ACOT11: variants seen among roughly 807,000 people sequenced by gnomAD.
ACOT11 encodes the protein acyl-coenzyme A thioesterase 11.
Under a neutral mutation model 77.5 loss-of-function variants are expected in ACOT11, and 69 were observed. The observed-to-expected ratio is 0.89, with a 90% CI of 0.73 to 1.09. The LOEUF is 1.09. ACOT11 is among the 50% of genes least tolerant of loss of function. The pLI is 0.00. For missense variants in ACOT11, 766 were observed against 813.7 expected (o/e 0.94, Z 0.71); for synonymous variants, 279 against 313.0 (o/e 0.89, Z 1.15).
rs377101876 is a variant in ACOT11 at position 54,597,291 on chromosome 1, C to A, written c.640C>A (p.Pro214Thr). The change falls in exon 7 of 16, where the codon CCG becomes ACG. Residue 214 changes from proline (P) to threonine (T), a missense_variant. Coordinates refer to ENST00000343744, the MANE Select transcript of ACOT11 (RefSeq NM_147161.4). ...GAGCAGAGACTGTAGCCGCATGGTG[C>A]CGGCTGAGAAGACCCGTGTGGAGAG... ...LESRDCSRMV[P>T]AEKTRVESVE... The A allele has an allele frequency of 2.9e-5, 47 of 1,613,390 alleles. No homozygotes were observed. The highest frequency in any genetic ancestry group is 3.8e-5 in the Non-Finnish European group (45 of 1,180,026).
At chr1:54,615,448 C>G (rs930322156) in intron 15 of ACOT11, among the ~76,000 whole-genome samples, 1 of 151,998 alleles carries the variant, frequency 6.6e-6, no homozygotes, top group Middle Eastern at 3.2e-3. Flanking sequence ...TGAAAAGATC[C>G]TTCAGGTGCG....
chr1:54,615,155 T>C (rs1022834486), downstream of ACOT11, among the ~76,000 whole-genome samples: 2 of 151,992 alleles, frequency 1.3e-5, no homozygotes, highest in African/African-American at 4.8e-5. Context: ...GGGAATCAAG[T>C]CTCTGCTGAA....
intron 8 of ACOT11, among the ~76,000 whole-genome samples, chr1:54,600,646 G>A (rs558794693): frequency 1.8e-4 from 27 of 152,290 alleles, no homozygotes; most frequent in African/African-American, 6.5e-4. Context: ...TTGTACCACT[G>A]TACTCCAGCC....
At position 54,634,724 on chromosome 1, in the gene ACOT11, AC is replaced by A. The variant is rs1557680157; in HGVS notation, c.1821del (p.Ter608GlufsTer5). The A allele has an allele frequency of 2.4e-5, 17 of 702,484 alleles. No individual in the cohort carries two copies. Among genetic ancestry groups the A allele is most frequent in the Non-Finnish European group, 3.1e-5 (12 of 384,844 alleles). The allele number at this position is 702,484 out of a possible 1,614,324, so 43.5% of individuals were successfully genotyped here. The stretch of plus-strand genomic sequence containing the variant: ...CAGCCGATTTGGATACCTTCAAGAC[AC>A]CTGAAACCTTATCATGAGCCAGATG... On this transcript the variant is annotated frameshift_variant, in exon 17 of 17. Transcript: ENST00000371316. LOFTEE classifies it high-confidence loss of function.
intron 15 of ACOT11, chr1:54,630,589 A>G: frequency 2.0e-6 from 1 of 494,770 alleles, no homozygotes; most frequent in Non-Finnish European, 3.7e-6. Flanking sequence ...TTCAACATCT[A>G]TAGAAACAAT....
At chr1:54,571,842 G>A (rs1263873700) in intron 1 of ACOT11, among the ~76,000 whole-genome samples, 7 of 152,278 alleles carry the variant, frequency 4.6e-5, no homozygotes, top group Non-Finnish European at 8.8e-5. Context: ...GTAGTGAGGG[G>A]GATGCTGAGT....
Position 54,585,873 on chromosome 1 carries a change from A to G in ACOT11, c.280A>G (p.Met94Val). 1 of 1,614,102 alleles carries G rather than the reference A, an allele frequency of 6.2e-7. No homozygotes were observed. The highest frequency in any genetic ancestry group is 8.5e-7 in the Non-Finnish European group (1 of 1,180,000). The change falls in exon 3 of 16, where the codon ATG (methionine) becomes GTG (valine). Residue 94 changes from methionine (M) to valine (V), a missense_variant. Met to Val is a conservative substitution (Grantham distance 21). Transcript: ENST00000343744. ...TGGCTGCCCCTGTGTCACAGCTTCC[A>G]TGGATGACATCTATTTTGAGCACAC... The part of the protein sequence containing the change: ...HAGCPCVTAS[M>V]DDIYFEHTIS...
intron 15 of ACOT11, among the ~76,000 whole-genome samples, chr1:54,628,591 T>G (rs1156565300): frequency 3.7e-5 from 3 of 81,800 alleles, no homozygotes; most frequent in Non-Finnish European, 5.1e-5. Context: ...CAAGACCCCA[T>G]CGCCCCCCCC....
chr1:54,613,758 T>C (rs1213532736), downstream of ACOT11, among the ~76,000 whole-genome samples: 1 of 152,214 alleles, frequency 6.6e-6, no homozygotes, highest in Non-Finnish European at 1.5e-5. Flanking sequence ...GTCATATTTA[T>C]CTTGGGCCAT....
intron 8 of ACOT11, among the ~76,000 whole-genome samples, chr1:54,600,810 T>C (rs1643951902): frequency 6.6e-6 from 1 of 152,234 alleles, no homozygotes; most frequent in Non-Finnish European, 1.5e-5. Flanking sequence ...AATTAGGCCG[T>C]CCACCTCCAC....
downstream of ACOT11, chr1:54,611,722 G>A (rs200032037): frequency 1.2e-6 from 2 of 1,614,160 alleles, no homozygotes; most frequent in Admixed American, 1.7e-5. Flanking sequence ...GTCCGAGGCA[G>A]CCTGCCACAG....
downstream of ACOT11, chr1:54,612,668 T>C (rs41297141): frequency 1.8e-3 from 2,850 of 1,614,000 alleles, 8 homozygotes; most frequent in Non-Finnish European, 2.0e-3. Flanking sequence ...AGCCTGGAGA[T>C]AGGGTAGCCT....
chr1:54,568,840 T>C (rs1390579228), intron 1 of ACOT11, among the ~76,000 whole-genome samples: 1 of 152,166 alleles, frequency 6.6e-6, no homozygotes, highest in African/African-American at 2.4e-5. Context: ...CTTGAACTCC[T>C]GGCTCAAGTG....
At chr1:54,566,142 C>G (rs1345473719) in intron 1 of ACOT11, among the ~76,000 whole-genome samples, 2 of 152,138 alleles carry the variant, frequency 1.3e-5, no homozygotes, top group Admixed American at 6.5e-5. Flanking sequence ...CAGATTCCTC[C>G]TCCCCACGTG....
In ACOT11 at chr1:54,601,323, G is replaced by A; in HGVS notation, c.939G>A (p.Arg313=). Residue 313 remains arginine, a synonymous_variant, in exon 9 of 16, where the codon CGG becomes CGA. Transcript: ENST00000343744. ...EAYRQEAETH[R]RHINSAFMTF... is the part of the protein sequence containing the mutation. The stretch of plus-strand genomic sequence containing the variant: ...ATCGCCAGGAGGCTGAGACCCACCG[G>A]CGCCACATCAACAGTGCCTTTATGA... The A allele has an allele frequency of 6.2e-7, 1 of 1,613,454 alleles. No homozygotes were observed. Among genetic ancestry groups the A allele is most frequent in the Non-Finnish European group, 8.5e-7 (1 of 1,179,940 alleles).
At chr1:54,625,939 C>CAAA (rs55726397) in intron 15 of ACOT11, among the ~76,000 whole-genome samples, 30,920 of 106,398 alleles carry the variant, frequency 0.29, 4,267 homozygotes, top group Middle Eastern at 0.4. Flanking sequence ...AACTCTGTCT[C>CAAA]AAAAAAAAAA....
intron 1 of ACOT11, among the ~76,000 whole-genome samples, chr1:54,563,915 AATTAGCTGGGT>A (rs1413310741): frequency 6.6e-6 from 1 of 151,908 alleles, no homozygotes; most frequent in Non-Finnish European, 1.5e-5. Context: ...AAAATATAAA[AATTAGCTGGGT>A]GTGGAGGCTT....
rs574653781 is a variant in ACOT11, at chr1:54,584,283, C to G, written c.34-372C>G. Among the ~76,000 whole-genome samples, 130 of 121,176 alleles carry G rather than the reference C, an allele frequency of 1.1e-3. No individual in the cohort carries two copies. Among genetic ancestry groups the G allele is most frequent in the African/African-American group, 3.1e-3 (122 of 38,782 alleles). 79.5% of individuals were successfully genotyped at this position (121,176 alleles called of 152,430 possible). A position where few individuals can be genotyped will look rare whatever the true frequency, so the allele number is the denominator to read the frequency against. ...CTATGGAGCTCTCTAGGCCTCCCTG[C>G]ATAGAGAGGCGACTCTTTCCAGAAT... On this transcript the variant is annotated intron_variant, in intron 1 of 15. Coordinates refer to ENST00000343744, the MANE Select transcript of ACOT11 (RefSeq NM_147161.4). This position sits in a 1 kb window ranked among gnomAD's most constrained non-coding sequence, Gnocchi z 6.3.
At chr1:54,560,836 G>A (rs1181731652) in intron 1 of ACOT11, among the ~76,000 whole-genome samples, 2 of 151,864 alleles carry the variant, frequency 1.3e-5, no homozygotes, top group Admixed American at 6.6e-5. Flanking sequence ...ATTCCCCTTC[G>A]TCAGCCTCCT....
Sources: allele counts gnomAD v4.1 joint callset (sites outside exome capture counted in the v4.1 genomes callset), GRCh38; gene constraint gnomAD v4.1.1; non-coding constraint Gnocchi (gnomAD v3.1); transcripts MANE v1.5; gene names NCBI Gene and HGNC (gene_info 2026-07-23, HGNC 2026-07-21).